DTNB: variants seen among roughly 807,000 people sequenced by gnomAD.
The protein encoded by DTNB is dystrobrevin beta.
A neutral mutation model predicts 90.7 loss-of-function variants in DTNB; 63 were observed. That is an observed-to-expected ratio of 0.69 (90% CI 0.57 to 0.86). The LOEUF is 0.86. Among genes scored for constraint, DTNB ranks in the 40% least tolerant of loss-of-function variants. The pLI is 0.00. For missense variants in DTNB, 744 were observed against 807.1 expected (o/e 0.92, Z 0.95); for synonymous variants, 277 against 286.7 (o/e 0.97, Z 0.34).
chr2:25,468,010 G>A (rs1413966549), intron 10 of DTNB, among the ~76,000 whole-genome samples: 1 of 152,104 alleles, frequency 6.6e-6, no homozygotes, highest in African/African-American at 2.4e-5. Flanking sequence ...TGTGTACCAT[G>A]TGGTGGCTGG....
intron 8 of DTNB, among the ~76,000 whole-genome samples, chr2:25,563,975 T>C (rs1459805967): frequency 6.6e-6 from 1 of 152,118 alleles, no homozygotes; most frequent in African/African-American, 2.4e-5. Flanking sequence ...GATCTCAGCT[T>C]ACTGCAAGCT....
intron 4 of DTNB, among the ~76,000 whole-genome samples, chr2:25,613,683 G>C (rs2069301685): frequency 6.6e-6 from 1 of 152,030 alleles, no homozygotes; most frequent in South Asian, 2.1e-4. Context: ...GGACAGGCCG[G>C]GTGCAGTGGC....
chr2:25,425,603 T>G (rs1369438101), intron 15 of DTNB, among the ~76,000 whole-genome samples: 9 of 152,200 alleles, frequency 5.9e-5, no homozygotes. Context: ...AAACTGTTAT[T>G]TTTAAAACCT....
chr2:25,432,221 A>ACACACG (rs2054111265), intron 14 of DTNB, among the ~76,000 whole-genome samples: 1 of 150,984 alleles, frequency 6.6e-6, no homozygotes, highest in South Asian at 2.1e-4. Context: ...ACACACACAC[A>ACACACG]CACACACACA....
At chr2:25,523,331 T>A (rs1575367817) in intron 9 of DTNB, among the ~76,000 whole-genome samples, 1 of 152,316 alleles carries the variant, frequency 6.6e-6, no homozygotes, top group Admixed American at 6.5e-5. Flanking sequence ...TTAAGAATCT[T>A]AGCAAGCGTT....
chr2:25,635,380 T>C (rs1018099635), intron 3 of DTNB, among the ~76,000 whole-genome samples: 7 of 152,260 alleles, frequency 4.6e-5, no homozygotes, highest in African/African-American at 1.4e-4. Flanking sequence ...TGAGCCAAGA[T>C]TGCGCCACTG....
At chr2:25,455,624 T>TA in intron 10 of DTNB, 130 bp from the exon 11 acceptor site, 2 of 747,458 alleles carry the variant, frequency 2.7e-6, no homozygotes, top group Non-Finnish European at 4.2e-6. Context: ...AGGAAAACAA[T>TA]AAAAAACCCA....
rs56815083 is a variant in DTNB, at chr2:25,420,262, C to CTT, written c.1555-729_1555-728dup. Reference sequence around the variant, plus strand: ...CCGTCTACTTGCTTTCAGGCACAGTCTTTTTTTTTTTTTTTTTTTTTTTTT... The same window carrying CTT: ...CCGTCTACTTGCTTTCAGGCACAGTCTTTTTTTTTTTTTTTTTTTTTTTTTTT... On this transcript the variant is annotated intron_variant, in intron 15 of 20. Transcript: ENST00000406818. Among the ~76,000 whole-genome samples the CTT allele has an allele frequency of 4.8e-3, 309 of 63,908 alleles. 52 individuals are homozygous for CTT. The highest frequency in any genetic ancestry group is 8.4e-3 in the South Asian group (13 of 1,554). 41.9% of individuals were successfully genotyped at this position (63,908 alleles called of 152,430 possible). A position where few individuals can be genotyped will look rare whatever the true frequency, so the allele number is the denominator to read the frequency against.
chr2:25,652,764 G>T, intron 1 of DTNB, 103 bp from the exon 2 acceptor site: 1 of 1,201,212 alleles, frequency 8.3e-7, no homozygotes, highest in Non-Finnish European at 1.2e-6. Context: ...AGTTGCAAAT[G>T]CACATTTTAA....
chr2:25,642,505 C>A (rs2078559167), intron 2 of DTNB, among the ~76,000 whole-genome samples: 1 of 151,568 alleles, frequency 6.6e-6, no homozygotes. Context: ...GCCTTGACCT[C>A]TCGGGCTCAG....
intron 19 of DTNB, among the ~76,000 whole-genome samples, chr2:25,381,134 G>A (rs138806712): frequency 6.6e-6 from 1 of 152,226 alleles, no homozygotes; most frequent in African/African-American, 2.4e-5. Context: ...AGATGCAGCT[G>A]TTATGTCTTC....
In DTNB at chr2:25,427,599, G is replaced by T; in HGVS notation, c.1490C>A (p.Ser497Ter). The T allele has an allele frequency of 6.2e-7, 1 of 1,613,524 alleles. No individual in the cohort carries two copies. The highest frequency in any genetic ancestry group is 1.1e-5 in the South Asian group (1 of 91,052). Residue 497 changes from serine to a stop codon, truncating the protein, a stop_gained, in exon 15 of 21, where the codon TCG (serine) becomes TAG (stop). Transcript: ENST00000406818. LOFTEE classifies it high-confidence loss of function. Reference sequence around the variant, plus strand: ...CTCCCGCCTGCTCTCCTGCAGGGCCGACATCCTCTGCTCCAGTTCATCCTT... The same window carrying T: ...CTCCCGCCTGCTCTCCTGCAGGGCCTACATCCTCTGCTCCAGTTCATCCTT... ...QRKDELEQRM[S>*]ALQESRRELM...
At chr2:25,414,143 AT>A (rs1160428485) in intron 16 of DTNB, among the ~76,000 whole-genome samples, 14 of 151,914 alleles carry the variant, frequency 9.2e-5, no homozygotes, top group African/African-American at 1.5e-4. Context: ...TTTCCTGTAA[AT>A]TTGTTTGAGT....
intron 10 of DTNB, among the ~76,000 whole-genome samples, chr2:25,457,810 G>A (rs4665293): frequency 0.76 from 116,214 of 152,048 alleles, 45,223 homozygotes; most frequent in African/African-American, 0.92. Flanking sequence ...CTTAGAAAGC[G>A]TAGCATTCCT....
chr2:25,533,152 G>C (rs971486289), intron 8 of DTNB, among the ~76,000 whole-genome samples: 2 of 151,822 alleles, frequency 1.3e-5, no homozygotes, highest in Admixed American at 1.3e-4. Context: ...GGCGAAACCC[G>C]GTCTCTACAA....
intron 9 of DTNB, among the ~76,000 whole-genome samples, chr2:25,491,060 AAG>A (rs1171452159): frequency 6.6e-6 from 1 of 152,046 alleles, no homozygotes; most frequent in Non-Finnish European, 1.5e-5. Flanking sequence ...TAAAAAAAAA[AAG>A]AATCAAATTT....
At chr2:25,416,008 G>A (rs1201766580) in intron 16 of DTNB, among the ~76,000 whole-genome samples, 2 of 152,222 alleles carry the variant, frequency 1.3e-5, no homozygotes, top group East Asian at 3.8e-4. Context: ...TTGGACAGAA[G>A]TGTGGGTAAT....
At chr2:25,570,191 A>G (rs1275477249) in intron 8 of DTNB, among the ~76,000 whole-genome samples, 1 of 151,860 alleles carries the variant, frequency 6.6e-6, no homozygotes, top group Non-Finnish European at 1.5e-5. Context: ...TGGGCAGATC[A>G]CTTGTGCTCA....
intron 16 of DTNB, among the ~76,000 whole-genome samples, chr2:25,410,334 A>T (rs1323461774): frequency 6.6e-6 from 1 of 152,148 alleles, no homozygotes; most frequent in Non-Finnish European, 1.5e-5. Context: ...GTGATGAAAA[A>T]TATTGGGGGG....
Sources: gnomAD v4.1 joint callset for allele counts (sites outside exome capture counted in the v4.1 genomes callset) on GRCh38, gnomAD v4.1.1 for gene constraint, MANE v1.5 for transcripts, NCBI Gene and HGNC (gene_info 2026-07-23, HGNC 2026-07-21) for gene names.